Variants in NRCAM observed in about 807,000 individuals in gnomAD.
NRCAM encodes the protein NgCAM-related cell adhesion molecule.
In NRCAM, 83 loss-of-function variants were observed where a neutral mutation model predicts 156.5. That is an observed-to-expected ratio of 0.53 (90% CI 0.44 to 0.64). NRCAM has a LOEUF of 0.64. Among genes scored for constraint, NRCAM ranks in the 30% least tolerant of loss-of-function variants. The probability of loss-of-function intolerance (pLI) is 0.00; values close to 1 mark genes in which losing one functional copy is unlikely to be tolerated. For missense variants in NRCAM, 1,417 were observed against 1,597.3 expected (o/e 0.89, Z 1.92); for synonymous variants, 538 against 563.9 (o/e 0.95, Z 0.65).
chr7:108,456,051 G>A (rs931621487), intron 1 of NRCAM, among the ~76,000 whole-genome samples, 192 bp downstream of exon 1: 18 of 152,124 alleles, frequency 1.2e-4, no homozygotes, highest in Non-Finnish European at 2.5e-4. Context: ...AGTGTCGGGG[G>A]CCTGCAGGGG....
intron 14 of NRCAM, among the ~76,000 whole-genome samples, chr7:108,196,222 A>G (rs1242730464): frequency 6.6e-6 from 1 of 152,126 alleles, no homozygotes; most frequent in Non-Finnish European, 1.5e-5. Context: ...ACTCATCATA[A>G]CCCTAGTGGG....
chr7:108,222,649 A>G (rs978136834), intron 11 of NRCAM, among the ~76,000 whole-genome samples: 2 of 152,086 alleles, frequency 1.3e-5, no homozygotes, highest in South Asian at 4.1e-4. Context: ...AGTAATGCAT[A>G]GTATGATTTC....
At chr7:108,281,172 T>G (rs578121851) in intron 3 of NRCAM, among the ~76,000 whole-genome samples, 1 of 152,178 alleles carries the variant, frequency 6.6e-6, no homozygotes, top group Non-Finnish European at 1.5e-5. Flanking sequence ...CTTAACCTGA[T>G]GAAATGAGCA....
intron 19 of NRCAM, among the ~76,000 whole-genome samples, chr7:108,190,560 ATAT>A (rs2070671834): frequency 6.6e-6 from 1 of 152,214 alleles, no homozygotes; most frequent in Admixed American, 6.5e-5. Context: ...AATATTAATA[ATAT>A]TGTGCAAAAT....
At chr7:108,328,870 G>T (rs2099098292) in intron 2 of NRCAM, among the ~76,000 whole-genome samples, 1 of 152,038 alleles carries the variant, frequency 6.6e-6, no homozygotes, top group African/African-American at 2.4e-5. Context: ...TAACATTTTA[G>T]AATGGCCATC....
intron 24 of NRCAM, 69 bp from the exon 25 acceptor site, chr7:108,180,496 T>A: frequency 7.9e-7 from 1 of 1,269,950 alleles, no homozygotes; most frequent in Non-Finnish European, 1.1e-6. Flanking sequence ...CTCACAAAAT[T>A]GAAACTGTTG....
At chr7:108,242,878 T>G (rs151108596) in intron 3 of NRCAM, among the ~76,000 whole-genome samples, 20 of 152,214 alleles carry the variant, frequency 1.3e-4, no homozygotes, top group African/African-American at 3.6e-4. Context: ...ATGTATTAAC[T>G]ATTCACCCTC....
intron 27 of NRCAM, 95 bp from the exon 28 acceptor site, chr7:108,175,452 TAA>T (rs1563260095): frequency 6.3e-6 from 7 of 1,109,782 alleles, no homozygotes; most frequent in Non-Finnish European, 5.2e-6. Flanking sequence ...ATTAAAATGC[TAA>T]AGCATGCAAG....
intron 3 of NRCAM, among the ~76,000 whole-genome samples, chr7:108,288,978 T>G (rs530004519): frequency 6.6e-6 from 1 of 152,140 alleles, no homozygotes; most frequent in South Asian, 2.1e-4. Context: ...GGGTAGGGGG[T>G]TGAAGATCAG....
At chr7:108,379,503 T>C (rs2099691801) in intron 2 of NRCAM, among the ~76,000 whole-genome samples, 1 of 152,166 alleles carries the variant, frequency 6.6e-6, no homozygotes, top group Non-Finnish European at 1.5e-5. Context: ...AGCATTTCGG[T>C]GCTGCCAAAT....
chr7:108,248,912 T>C lies in NRCAM; in HGVS notation c.-106-8742A>G, dbSNP rs116022709. Among the ~76,000 whole-genome samples the C allele has an allele frequency of 2.3e-3, 344 of 152,248 alleles. 3 individuals carry two copies. The highest frequency in any genetic ancestry group is 8.1e-3 in the African/African-American group (336 of 41,544). ...GGAAAGAGTTTCAGAAGTGACATCCTAGAGGATGGCCATCTTATTGTTTCA... is the reference window on the plus strand; with the variant it reads ...GGAAAGAGTTTCAGAAGTGACATCCCAGAGGATGGCCATCTTATTGTTTCA... On this transcript the variant is annotated intron_variant, in intron 3 of 32. Coordinates refer to ENST00000379028, the MANE Select transcript of NRCAM (RefSeq NM_001037132.4).
chr7:108,311,864 G>A (rs2098808345), intron 3 of NRCAM, among the ~76,000 whole-genome samples: 1 of 152,154 alleles, frequency 6.6e-6, no homozygotes, highest in South Asian at 2.1e-4. Context: ...AAATCCATGA[G>A]TTTATTTGTT....
At chr7:108,215,977 C>T (rs771948205) in intron 11 of NRCAM, among the ~76,000 whole-genome samples, 14 of 152,070 alleles carry the variant, frequency 9.2e-5, no homozygotes, top group African/African-American at 1.2e-4. Context: ...TTATTCTGCG[C>T]GTTAGTTGAT....
chr7:108,211,158 G>T (rs1002844001), intron 11 of NRCAM, among the ~76,000 whole-genome samples: 4 of 152,212 alleles, frequency 2.6e-5, no homozygotes, highest in African/African-American at 9.7e-5. Context: ...AGAAGTTTCT[G>T]ACTTTACCTG....
At chr7:108,285,708 T>C (rs2154104217) in intron 3 of NRCAM, among the ~76,000 whole-genome samples, 1 of 152,360 alleles carries the variant, frequency 6.6e-6, no homozygotes, top group South Asian at 2.1e-4. Context: ...GACAAAGTTA[T>C]CATTCACTAT....
intron 2 of NRCAM, among the ~76,000 whole-genome samples, chr7:108,343,014 T>A (rs1037453161): frequency 5.3e-5 from 8 of 152,198 alleles, no homozygotes; most frequent in African/African-American, 1.7e-4. Context: ...AACAAGTAAT[T>A]GTTCAAACCT....
At chr7:108,197,339 G>A (rs1413655699) in intron 14 of NRCAM, among the ~76,000 whole-genome samples, 2 of 152,146 alleles carry the variant, frequency 1.3e-5, no homozygotes, top group Non-Finnish European at 2.9e-5. Context: ...TGAAAAGGAA[G>A]CATACTAATT....
intron 32 of NRCAM, among the ~76,000 whole-genome samples, chr7:108,157,749 C>T (rs965775733): frequency 1.3e-5 from 2 of 152,056 alleles, no homozygotes; most frequent in Non-Finnish European, 2.9e-5. Flanking sequence ...GGTTTCACAT[C>T]GCTGTAAGAG....
chr7:108,191,334 G>GATACA, intron 18 of NRCAM, 51 bp from the exon 19 acceptor site: 2 of 1,335,026 alleles, frequency 1.5e-6, no homozygotes, highest in Non-Finnish European at 2.1e-6. Context: ...GTAATGGAAA[G>GATACA]ATACAAGATA....
Sources: allele counts gnomAD v4.1 joint callset (sites outside exome capture counted in the v4.1 genomes callset), GRCh38; gene constraint gnomAD v4.1.1; transcripts MANE v1.5; gene names NCBI Gene and HGNC (gene_info 2026-07-23, HGNC 2026-07-21).